VPS35L: variants seen among roughly 807,000 people sequenced by gnomAD.
VPS35L encodes the protein VPS35 endosomal protein-sorting factor-like.
A neutral mutation model predicts 133.0 loss-of-function variants in VPS35L; 83 were observed. The ratio of observed to expected loss-of-function variants is 0.62; its 90% CI spans 0.52 to 0.75. The LOEUF (loss-of-function observed/expected upper bound fraction) is 0.75, where lower values mean the gene tolerates loss of function less well. Among genes scored for constraint, VPS35L ranks in the 30% least tolerant of loss-of-function variants. The probability of loss-of-function intolerance (pLI) is 0.00; values close to 1 mark genes in which losing one functional copy is unlikely to be tolerated. For synonymous variants in VPS35L, 423 were observed against 449.9 expected (o/e 0.94, Z 0.76); for missense variants, 1,083 against 1,206.8 (o/e 0.90, Z 1.52).
At position 19,644,907 on chromosome 16, in the gene VPS35L, GA is replaced by G. The variant is rs776545325; in HGVS notation, c.1891del (p.Arg631GlufsTer6). The G allele has an allele frequency of 6.2e-7, 1 of 1,601,330 alleles. No individual in the cohort carries two copies. Among genetic ancestry groups the G allele is most frequent in the South Asian group, 1.1e-5 (1 of 90,250 alleles). On this transcript the variant is annotated frameshift_variant, in exon 23 of 31. Coordinates refer to ENST00000417362, the MANE Select transcript of VPS35L (RefSeq NM_020314.7). LOFTEE classifies it high-confidence loss of function. ...TTAGTGCACTCACTCTTGAGGATGA[GA>G]AAAGAATGCTGTCATATTTGATTAA... Reference protein sequence around the residue: ...SVNALTLEDEKRMLSYLINGF... With the variant: ...SVNALTLEDEXRMLSYLINGF...
At chr16:19,577,216 G>A (rs1971566684) in intron 5 of VPS35L, among the ~76,000 whole-genome samples, 1 of 152,208 alleles carries the variant, frequency 6.6e-6, no homozygotes, top group Non-Finnish European at 1.5e-5. Flanking sequence ...AGCATCTGCT[G>A]TTGGTGAGGG....
rs368987920 is a variant in VPS35L at position 19,602,119 on chromosome 16, A to G, written c.784+396A>G. ...GAATGATGTCAAATAGATCAATAGT[A>G]ATTGATGCTTTGAATTCACAATCTA... On this transcript the variant is annotated intron_variant, in intron 9 of 30. Coordinates refer to ENST00000417362, the MANE Select transcript of VPS35L (RefSeq NM_020314.7). Among the ~76,000 whole-genome samples, 35 of 152,338 alleles carry G rather than the reference A, an allele frequency of 2.3e-4. 1 individual carries two copies. The East Asian group carries it at 6.4e-3, about 28-fold the overall frequency.
chr16:19,578,908 T>G, intron 5 of VPS35L, 144 bp from the exon 6 acceptor site: 2 of 751,720 alleles, frequency 2.7e-6, no homozygotes, highest in Non-Finnish European at 4.6e-6. Flanking sequence ...AGGAAGTTGC[T>G]TTGAAAATCT....
At chr16:19,610,222 C>G in intron 11 of VPS35L, 100 bp from the exon 12 acceptor site, 3 of 1,000,434 alleles carry the variant, frequency 3.0e-6, no homozygotes, top group Non-Finnish European at 4.4e-6. Flanking sequence ...TTTTTCCCCC[C>G]CTCCCTGAAA....
At chr16:19,598,767 G>C (rs1017923149) in intron 8 of VPS35L, among the ~76,000 whole-genome samples, 1 of 149,486 alleles carries the variant, frequency 6.7e-6, no homozygotes, top group Non-Finnish European at 1.5e-5. Flanking sequence ...CTGGGTGACA[G>C]AGCAAGATTC....
rs759064447 is a variant in VPS35L, at chr16:19,637,583, T to C, written c.1636-11T>C. ...TTTTAAAAATAATATTTTTGTTTGTTTGTTTTACAGCTTCAGTTAATAATT... is the reference window on the plus strand; with the variant it reads ...TTTTAAAAATAATATTTTTGTTTGTCTGTTTTACAGCTTCAGTTAATAATT... On this transcript the variant is annotated splice_polypyrimidine_tract_variant and intron_variant, in intron 19 of 30. Transcript: ENST00000417362. 2 of 1,517,254 alleles carry C rather than the reference T, an allele frequency of 1.3e-6. No homozygotes were observed. The highest frequency in any genetic ancestry group is 2.6e-5 in the South Asian group (2 of 77,822). The allele number at this position is 1,517,254 out of a possible 1,614,324, so 94.0% of individuals were successfully genotyped here. A position where few individuals can be genotyped will look rare whatever the true frequency, so the allele number is the denominator to read the frequency against.
At chr16:19,604,031 C>T (rs567906876) in intron 9 of VPS35L, among the ~76,000 whole-genome samples, 25 of 152,170 alleles carry the variant, frequency 1.6e-4, no homozygotes, top group Middle Eastern at 3.4e-3. Flanking sequence ...CACGCCCGGC[C>T]GAATCCATTT....
chr16:19,569,638 G>A, intron 3 of VPS35L, 47 bp downstream of exon 3: 1 of 1,483,066 alleles, frequency 6.7e-7, no homozygotes, highest in South Asian at 1.4e-5. Flanking sequence ...GGTTTTGTGG[G>A]TGCAGGAATG....
intron 5 of VPS35L, among the ~76,000 whole-genome samples, chr16:19,578,523 A>G (rs1382811086): frequency 1.3e-5 from 2 of 152,210 alleles, no homozygotes; most frequent in African/African-American, 2.4e-5. Context: ...TCCCTCCACC[A>G]GTCCCTGCTG....
chr16:19,688,661 G>C (rs35189080), intron 28 of VPS35L, among the ~76,000 whole-genome samples: 9,038 of 152,228 alleles, frequency 0.059, 472 homozygotes, highest in African/African-American at 0.13. Flanking sequence ...CCTTTAGCCT[G>C]GGGGTTCAGA....
At chr16:19,592,147 T>G (rs1444872268) in intron 8 of VPS35L, among the ~76,000 whole-genome samples, 1 of 151,936 alleles carries the variant, frequency 6.6e-6, no homozygotes, top group South Asian at 2.1e-4. Flanking sequence ...CAGTCATGGC[T>G]CACTGCAGCC....
intron 18 of VPS35L, 130 bp from the exon 19 acceptor site, chr16:19,632,962 C>A: frequency 1.4e-6 from 1 of 725,522 alleles, no homozygotes; most frequent in Non-Finnish European, 2.4e-6. Flanking sequence ...TTATTTTCAG[C>A]AGAATACTGA....
intron 7 of VPS35L, among the ~76,000 whole-genome samples, chr16:19,589,490 C>G (rs1232425579): frequency 3.9e-5 from 6 of 152,148 alleles, no homozygotes; most frequent in Admixed American, 3.3e-4. Flanking sequence ...GGCGATCTTC[C>G]TGCCTCAGCC....
intron 14 of VPS35L, among the ~76,000 whole-genome samples, chr16:19,619,960 G>T (rs1000482460): frequency 2.0e-5 from 3 of 152,164 alleles, no homozygotes; most frequent in African/African-American, 7.2e-5. Context: ...CAAAATAGGG[G>T]ATGGTAAAGT....
intron 19 of VPS35L, among the ~76,000 whole-genome samples, chr16:19,635,168 A>C (rs974618066): frequency 4.0e-5 from 6 of 151,822 alleles, no homozygotes; most frequent in Non-Finnish European, 8.8e-5. Context: ...GCAAGACCCT[A>C]TCTCTGCAAA....
intron 7 of VPS35L, chr16:19,587,264 G>T: frequency 4.7e-6 from 2 of 427,124 alleles, no homozygotes; most frequent in South Asian, 3.3e-5. Context: ...CATGAGATTT[G>T]GGTGGGAACA....
rs1387488306 is a variant in VPS35L, at chr16:19,633,457, G to A, written c.1635+285G>A. Among the ~76,000 whole-genome samples the A allele has an allele frequency of 1.3e-5, 2 of 152,298 alleles. No homozygotes were observed. The highest frequency in any genetic ancestry group is 2.4e-5 in the African/African-American group (1 of 41,566). ...GGCACGTGGTAAATGCTCAATAAGC[G>A]TTGTCTTCATTGTTGTCACCAGTAA... On this transcript the variant is annotated intron_variant, in intron 19 of 30. Transcript: ENST00000417362. This position sits in a 1 kb window ranked among gnomAD's most constrained non-coding sequence, Gnocchi z 4.1.
At chr16:19,580,748 T>C (rs961372985) in intron 6 of VPS35L, among the ~76,000 whole-genome samples, 1 of 152,156 alleles carries the variant, frequency 6.6e-6, no homozygotes, top group African/African-American at 2.4e-5. Flanking sequence ...TGAGAGTTTG[T>C]CTCAAGTATC....
At chr16:19,644,757 G>A in intron 22 of VPS35L, 129 bp from the exon 23 acceptor site, 1 of 513,562 alleles carries the variant, frequency 1.9e-6, no homozygotes, top group South Asian at 4.0e-5. Context: ...GCAGCCTGTT[G>A]GCAGTTTTTT....
Sources: gnomAD v4.1 joint callset for allele counts (sites outside exome capture counted in the v4.1 genomes callset) on GRCh38, gnomAD v4.1.1 for gene constraint, Gnocchi (gnomAD v3.1) non-coding constraint, MANE v1.5 for transcripts, NCBI Gene and HGNC (gene_info 2026-07-23, HGNC 2026-07-21) for gene names.